Variants in FAM13A observed in about 807,000 individuals in gnomAD.
The protein encoded by FAM13A is protein FAM13A.
In FAM13A, 76 loss-of-function variants were observed where a neutral mutation model predicts 129.6. The observed-to-expected ratio is 0.59, with a 90% CI of 0.49 to 0.71. FAM13A has a LOEUF of 0.71. Among genes scored for constraint, FAM13A ranks in the 30% least tolerant of loss-of-function variants. The pLI is 0.00. For synonymous variants in FAM13A, 443 were observed against 449.9 expected (o/e 0.98, Z 0.20); for missense variants, 1,108 against 1,249.3 (o/e 0.89, Z 1.70).
chr4:88,976,936 T>C (rs999161356), intron 4 of FAM13A, among the ~76,000 whole-genome samples: 8 of 152,174 alleles, frequency 5.3e-5, no homozygotes, highest in East Asian at 3.8e-4. Flanking sequence ...CTAGGAGCAA[T>C]AGTCTATACC....
intron 1 of FAM13A, among the ~76,000 whole-genome samples, chr4:89,034,484 A>G (rs1329828188): frequency 6.6e-6 from 1 of 152,224 alleles, no homozygotes; most frequent in Admixed American, 6.5e-5. Flanking sequence ...AAGAATGTAA[A>G]TTAGTTTATC....
intron 5 of FAM13A, among the ~76,000 whole-genome samples, chr4:88,928,546 C>T (rs367556104): frequency 2.0e-5 from 3 of 152,122 alleles, no homozygotes; most frequent in East Asian, 1.9e-4. Context: ...TTTATCATTA[C>T]ATAAAACCTT....
chr4:88,956,519 T>A (rs1217919500), intron 4 of FAM13A, among the ~76,000 whole-genome samples: 1 of 152,150 alleles, frequency 6.6e-6, no homozygotes, highest in East Asian at 1.9e-4. Flanking sequence ...TAAAAAAAGA[T>A]GAAGAAACAC....
intron 1 of FAM13A, among the ~76,000 whole-genome samples, chr4:89,033,434 C>T (rs376014823): frequency 1.3e-4 from 20 of 152,248 alleles, no homozygotes; most frequent in African/African-American, 4.6e-4. Context: ...GAAAGTGGTG[C>T]AACCAGGAGT....
chr4:89,033,620 C>G lies in FAM13A; in HGVS notation c.28-3971G>C, dbSNP rs145736183. On this transcript the variant is annotated intron_variant, in intron 1 of 23. Transcript: ENST00000264344. ...TAGTTATTTACATGTTTCATGGTCT[C>G]TTTAATACAAAGTAAGGTATGTTCA... Among the ~76,000 whole-genome samples, 19 of 152,298 alleles carry G rather than the reference C, an allele frequency of 1.2e-4. No homozygotes were observed. In the East Asian group the frequency reaches 2.5e-3, roughly 20 times the overall value.
At chr4:88,766,067 G>C (rs1578554994) in intron 13 of FAM13A, among the ~76,000 whole-genome samples, 1 of 152,320 alleles carries the variant, frequency 6.6e-6, no homozygotes, top group Middle Eastern at 3.4e-3. Context: ...ATGAGTTAAT[G>C]TATGAAGTCC....
intron 7 of FAM13A, among the ~76,000 whole-genome samples, chr4:88,848,686 T>G (rs1198554882): frequency 6.6e-6 from 1 of 152,234 alleles, no homozygotes; most frequent in Non-Finnish European, 1.5e-5. Flanking sequence ...TCCTTTCCTT[T>G]CCATGGTTGT....
intron 7 of FAM13A, among the ~76,000 whole-genome samples, chr4:88,847,441 G>A (rs1215836628): frequency 6.6e-6 from 1 of 152,150 alleles, no homozygotes; most frequent in Non-Finnish European, 1.5e-5. Flanking sequence ...ATACAGCTAT[G>A]CATTTGTTTT....
chr4:88,978,419 G>A (rs938622138), intron 4 of FAM13A, among the ~76,000 whole-genome samples: 6 of 151,994 alleles, frequency 3.9e-5, no homozygotes, highest in Non-Finnish European at 8.8e-5. Context: ...ATTCCTGGCT[G>A]TAAGTAAAAG....
At chr4:88,751,428 G>A (rs993220781) in intron 14 of FAM13A, among the ~76,000 whole-genome samples, 4 of 152,160 alleles carry the variant, frequency 2.6e-5, no homozygotes, top group African/African-American at 9.7e-5. Flanking sequence ...CCAGTAAGCT[G>A]TTTTGTGTGC....
rs1755510330 is a variant in FAM13A, at chr4:88,945,481, A to T, written c.606-7240T>A. Among the ~76,000 whole-genome samples the T allele has an allele frequency of 2.6e-5, 4 of 152,202 alleles. No homozygotes were observed. The South Asian group carries it at 8.3e-4, about 32-fold the overall frequency. ...TGCCCCTCTTAATTTTTCCATATGTAGGCCTTCTTCTTTCTCTTGGAAGGG... is the reference window on the plus strand; with the variant it reads ...TGCCCCTCTTAATTTTTCCATATGTTGGCCTTCTTCTTTCTCTTGGAAGGG... On this transcript the variant is annotated intron_variant, in intron 4 of 23. Transcript: ENST00000264344.
intron 4 of FAM13A, among the ~76,000 whole-genome samples, chr4:88,969,107 C>CA (rs1234251123): frequency 6.6e-6 from 1 of 151,958 alleles, no homozygotes; most frequent in African/African-American, 2.4e-5. Flanking sequence ...ATCAATTTCT[C>CA]AAAAATCTCA....
At chr4:88,731,762 C>T (rs558326703) in intron 22 of FAM13A, 14 of 524,270 alleles carry the variant, frequency 2.7e-5, no homozygotes, top group South Asian at 9.2e-5. Flanking sequence ...CAGAACCACA[C>T]GATGCCCTTT....
At chr4:88,892,924 AC>A (rs949436099) in intron 6 of FAM13A, among the ~76,000 whole-genome samples, 4 of 152,310 alleles carry the variant, frequency 2.6e-5, no homozygotes, top group African/African-American at 4.8e-5. Context: ...ATTAAAAGGT[AC>A]TATATTCAAT....
At chr4:88,788,773 G>GAA (rs1257720912) in intron 9 of FAM13A, among the ~76,000 whole-genome samples, 1 of 152,032 alleles carries the variant, frequency 6.6e-6, no homozygotes, top group Non-Finnish European at 1.5e-5. Context: ...TTCTTCGCTT[G>GAA]AAAAAGAACT....
chr4:88,883,096 G>T (rs1168303204), intron 6 of FAM13A, among the ~76,000 whole-genome samples: 2 of 152,050 alleles, frequency 1.3e-5, no homozygotes, highest in Non-Finnish European at 2.9e-5. Context: ...GACAGGACTA[G>T]ACAGGTCATC....
In FAM13A at chr4:89,028,762, T is replaced by TA. The variant is rs537507398; in HGVS notation, c.217+697dup. On this transcript the variant is annotated intron_variant, in intron 2 of 23. Transcript: ENST00000264344. ...CAATGTGCACATGTACCCTAAAACTTAAAGTACATAAAAAAAAAAAAAAGA... is the reference window on the plus strand; with the variant it reads ...CAATGTGCACATGTACCCTAAAACTTAAAAGTACATAAAAAAAAAAAAAAGA... Among the ~76,000 whole-genome samples, 13 of 119,052 alleles carry TA rather than the reference T, an allele frequency of 1.1e-4. No homozygotes were observed. The South Asian group carries it at 2.9e-3, about 26-fold the overall frequency. 78.1% of individuals were successfully genotyped at this position (119,052 alleles called of 152,430 possible).
intron 19 of FAM13A, among the ~76,000 whole-genome samples, chr4:88,746,649 C>G (rs111853295): frequency 1.3e-5 from 2 of 152,174 alleles, no homozygotes; most frequent in Non-Finnish European, 2.9e-5. Context: ...CCTGGCCCCT[C>G]CACCATTCCT....
At chr4:88,773,888 G>A (rs554296833) in intron 11 of FAM13A, among the ~76,000 whole-genome samples, 1 of 152,164 alleles carries the variant, frequency 6.6e-6, no homozygotes, top group African/African-American at 2.4e-5. Flanking sequence ...CCTTTCATAA[G>A]GTATATCACA....
Sources: gnomAD v4.1 joint callset for allele counts (sites outside exome capture counted in the v4.1 genomes callset) on GRCh38, gnomAD v4.1.1 for gene constraint, MANE v1.5 for transcripts, NCBI Gene and HGNC (gene_info 2026-07-23, HGNC 2026-07-21) for gene names.